AKAP6: variants seen among roughly 807,000 people sequenced by gnomAD.
AKAP6 encodes the protein A-kinase anchoring protein 6.
Under a neutral mutation model 188.5 loss-of-function variants are expected in AKAP6, and 58 were observed. The ratio of observed to expected loss-of-function variants is 0.31; its 90% confidence interval spans 0.25 to 0.38. The LOEUF is 0.38. Among genes scored for constraint, AKAP6 ranks in the 10% least tolerant of loss-of-function variants. The pLI, the probability that AKAP6 is intolerant of heterozygous loss-of-function variation, is 1.00. For missense variants in AKAP6, 2,710 were observed against 2,740.0 expected, an observed-to-expected ratio of 0.99 and a Z score of 0.24; for synonymous variants, 989 against 998.6, an observed-to-expected ratio of 0.99 and a Z score of 0.18.
At chr14:32,793,462 TA>T (rs780856151) in intron 12 of AKAP6, among the ~76,000 whole-genome samples, 4 of 151,514 alleles carry the variant, frequency 2.6e-5, no homozygotes, top group South Asian at 4.2e-4. Context: ...CTCAATTCAA[TA>T]AAAAAAAGCT....
intron 12 of AKAP6, among the ~76,000 whole-genome samples, chr14:32,815,255 T>G (rs1246263773): frequency 6.6e-6 from 1 of 152,194 alleles, no homozygotes; most frequent in Non-Finnish European, 1.5e-5. Flanking sequence ...ATCAGCTTTG[T>G]TATTGAAAAA....
At chr14:32,423,464 C>T (rs751089124) in intron 1 of AKAP6, among the ~76,000 whole-genome samples, 2 of 152,110 alleles carry the variant, frequency 1.3e-5, no homozygotes, top group East Asian at 3.9e-4. Context: ...CAGGCATGAG[C>T]CACCATGCCT....
At chr14:32,375,948 T>C (rs1019877184) in intron 1 of AKAP6, 3 of 152,204 alleles carry the variant, frequency 2.0e-5, no homozygotes, top group Non-Finnish European at 2.9e-5. Context: ...TTACTTAAGA[T>C]TGGTCAATTT....
At chr14:32,404,893 A>C (rs977790246) in intron 1 of AKAP6, among the ~76,000 whole-genome samples, 1 of 150,284 alleles carries the variant, frequency 6.7e-6, no homozygotes, top group Non-Finnish European at 1.5e-5. Context: ...AACTGGCAAG[A>C]CAGATGGGCA....
intron 9 of AKAP6, among the ~76,000 whole-genome samples, chr14:32,716,371 G>A (rs959447671): frequency 6.6e-6 from 1 of 151,442 alleles, no homozygotes; most frequent in Non-Finnish European, 1.5e-5. Flanking sequence ...TATATGCACT[G>A]TATGTATTAC....
intron 7 of AKAP6, among the ~76,000 whole-genome samples, chr14:32,607,726 G>A (rs537881796): frequency 9.5e-4 from 145 of 152,198 alleles, no homozygotes; most frequent in African/African-American, 3.2e-3. Flanking sequence ...AATGGAATGG[G>A]GTTCTTGATG....
chr14:32,559,619 T>C (rs1883845288), intron 4 of AKAP6, among the ~76,000 whole-genome samples: 1 of 152,100 alleles, frequency 6.6e-6, no homozygotes. Flanking sequence ...AATTTTCAAC[T>C]GTGACTGCAA....
intron 2 of AKAP6, among the ~76,000 whole-genome samples, chr14:32,454,234 AT>A (rs1412882032): frequency 6.6e-6 from 1 of 152,194 alleles, no homozygotes; most frequent in Non-Finnish European, 1.5e-5. Flanking sequence ...ATTTTAAAAA[AT>A]ATATCTGATA....
intron 12 of AKAP6, among the ~76,000 whole-genome samples, chr14:32,816,494 C>A (rs1380455949): frequency 6.6e-6 from 1 of 152,152 alleles, no homozygotes; most frequent in Non-Finnish European, 1.5e-5. Flanking sequence ...CTGTACCTGT[C>A]CTGCTTTTGT....
In AKAP6 at chr14:32,568,036, A is replaced by G. The variant is rs1184317741; in HGVS notation, c.2347-9084A>G. 2.0e-5 allele frequency among the ~76,000 whole-genome samples: 3 copies of G among 152,118 alleles called. No individual in the cohort carries two copies. Among genetic ancestry groups the G allele is most frequent in the African/African-American group, 7.2e-5 (3 of 41,422 alleles). On this transcript the variant is annotated intron_variant, in intron 4 of 13. Coordinates refer to ENST00000280979, the MANE Select transcript of AKAP6 (RefSeq NM_004274.5). The surrounding 1 kb of genome is among the most constrained non-coding windows in gnomAD (Gnocchi z 6.2). ...GAGAAAAAAGAGGCAAAACAACAATAGTCAAGGAAGAAAGAAAAGAAAGGC... is the reference window on the plus strand; with the variant it reads ...GAGAAAAAAGAGGCAAAACAACAATGGTCAAGGAAGAAAGAAAAGAAAGGC...
chr14:32,701,659 G>A (rs1243553420), intron 9 of AKAP6, among the ~76,000 whole-genome samples: 1 of 152,088 alleles, frequency 6.6e-6, no homozygotes, highest in East Asian at 1.9e-4. Context: ...ATATCAAAAT[G>A]ATGTCATAGA....
intron 12 of AKAP6, among the ~76,000 whole-genome samples, chr14:32,819,078 T>G (rs137941592): frequency 6.6e-6 from 1 of 152,196 alleles, no homozygotes; most frequent in African/African-American, 2.4e-5. Context: ...AAACAGAAAT[T>G]CTAATAAAAA....
intron 11 of AKAP6, among the ~76,000 whole-genome samples, chr14:32,763,830 A>C (rs942332882): frequency 2.0e-5 from 3 of 152,204 alleles, no homozygotes; most frequent in Non-Finnish European, 2.9e-5. Flanking sequence ...GTTTGTAATC[A>C]GTTAAAACAC....
At chr14:32,657,983 T>G (rs143368699) in intron 7 of AKAP6, among the ~76,000 whole-genome samples, 1 of 152,066 alleles carries the variant, frequency 6.6e-6, no homozygotes, top group African/African-American at 2.4e-5. Context: ...AGATTGACAA[T>G]AAAGAACTAG....
chr14:32,599,382 G>A, intron 5 of AKAP6, 28 bp from the exon 6 acceptor site: 1 of 1,583,852 alleles, frequency 6.3e-7, no homozygotes, highest in South Asian at 1.1e-5. Context: ...GCCTTGCCAG[G>A]GTTTAATGTT....
At chr14:32,498,107 C>A (rs1880420837) in intron 2 of AKAP6, among the ~76,000 whole-genome samples, 1 of 152,114 alleles carries the variant, frequency 6.6e-6, no homozygotes, top group Non-Finnish European at 1.5e-5. Flanking sequence ...TTCTACAATT[C>A]CATTTCTACA....
intron 11 of AKAP6, among the ~76,000 whole-genome samples, chr14:32,760,033 G>A (rs1454524615): frequency 1.3e-5 from 2 of 152,230 alleles, no homozygotes; most frequent in African/African-American, 2.4e-5. Context: ...GCTTACGCAT[G>A]TGGTTCTCAC....
intron 2 of AKAP6, among the ~76,000 whole-genome samples, chr14:32,495,933 A>G (rs893600907): frequency 2.0e-5 from 3 of 152,190 alleles, no homozygotes; most frequent in Admixed American, 2.0e-4. Context: ...AGTAACATAA[A>G]TTGCTGCAAT....
chr14:32,569,069 C>G (rs1884339830), intron 4 of AKAP6, among the ~76,000 whole-genome samples: 1 of 152,116 alleles, frequency 6.6e-6, no homozygotes, highest in African/African-American at 2.4e-5. Context: ...GTTGAAACCA[C>G]TATAAATAGT....
Sources: gnomAD v4.1 joint callset for allele counts (sites outside exome capture counted in the v4.1 genomes callset) on GRCh38, gnomAD v4.1.1 for gene constraint, Gnocchi (gnomAD v3.1) non-coding constraint, MANE v1.5 for transcripts, NCBI Gene and HGNC (gene_info 2026-07-23, HGNC 2026-07-21) for gene names.